TTC39A: variants seen among roughly 807,000 people sequenced by gnomAD.
TTC39A encodes the protein tetratricopeptide repeat protein 39A.
TTC39A carries 46 observed loss-of-function variants against 82.3 expected under a neutral mutation model. That is an observed-to-expected ratio of 0.56 (90% CI 0.44 to 0.71). The LOEUF is 0.71. TTC39A is among the 30% of genes least tolerant of loss of function. The pLI is 0.00. For missense variants in TTC39A, 543 were observed against 712.9 expected (o/e 0.76, Z 2.71); for synonymous variants, 254 against 275.2 (o/e 0.92, Z 0.76).
intron 16 of TTC39A, 75 bp from the exon 17 acceptor site, chr1:51,289,030 C>T (rs940247476): frequency 4.3e-6 from 6 of 1,401,978 alleles, no homozygotes; most frequent in South Asian, 1.3e-5. Flanking sequence ...TTTCCTAACC[C>T]GAACTCCAAT....
intron 1 of TTC39A, chr1:51,344,942 C>T (rs564452602): frequency 2.0e-6 from 3 of 1,525,680 alleles, no homozygotes; most frequent in Non-Finnish European, 2.6e-6. Context: ...TCCGGCGGCC[C>T]CTTGGTCCCG....
Position 51,309,267 on chromosome 1 carries a change from G to T in TTC39A, c.482C>A (p.Thr161Asn). The change falls in exon 6 of 18, where the codon ACC becomes AAC. Residue 161 changes from threonine to asparagine, a missense_variant. Transcript: ENST00000680483. The stretch of plus-strand genomic sequence containing the variant: ...GATGGCCAGCCCCACTCACTTGTAG[G>T]TCTGGTAGCTGTTTCGAACTTTGAT... ...GGIKVRNSYQ[T>N]YKELDSLVQS... 1.2e-6 allele frequency: 2 copies of T among 1,610,116 alleles called. No individual in the cohort carries two copies. Among genetic ancestry groups the T allele is most frequent in the South Asian group, 2.2e-5 (2 of 90,126 alleles).
chr1:51,324,916 T>A (rs1645656268), intron 1 of TTC39A, among the ~76,000 whole-genome samples: 1 of 152,136 alleles, frequency 6.6e-6, no homozygotes, highest in Admixed American at 6.5e-5. Context: ...GAAGCATTAT[T>A]TCCCCTAACC....
chr1:51,331,146 T>C (rs1645901612), upstream of TTC39A: 1 of 1,482,558 alleles, frequency 6.7e-7, no homozygotes, highest in African/African-American at 1.4e-5. Context: ...TCACGCATGG[T>C]CACTCACCTA....
In TTC39A at chr1:51,305,189, T is replaced by A. The variant is rs188048469; in HGVS notation, c.589-43A>T. On this transcript the variant is annotated intron_variant, in intron 7 of 17. Coordinates refer to ENST00000680483, the MANE Select transcript of TTC39A (RefSeq NM_001297663.2). Reference sequence around the variant, plus strand: ...ATCAAGCCTGTGAAGGTACCCAGAGTGGGCAGGGGCCACCCCCACTGTCCC... The same window carrying A: ...ATCAAGCCTGTGAAGGTACCCAGAGAGGGCAGGGGCCACCCCCACTGTCCC... 50 of 1,599,414 alleles carry A rather than the reference T, an allele frequency of 3.1e-5. No individual in the cohort carries two copies. The East Asian group carries it at 1.1e-3, about 34-fold the overall frequency.
intron 1 of TTC39A, among the ~76,000 whole-genome samples, chr1:51,337,132 G>A (rs886151489): frequency 2.6e-5 from 4 of 152,140 alleles, no homozygotes; most frequent in Non-Finnish European, 4.4e-5. Flanking sequence ...CAAAGGCTCC[G>A]CATGTTCCTC....
intron 11 of TTC39A, 161 bp from the exon 12 acceptor site, chr1:51,301,894 G>A: frequency 3.1e-6 from 3 of 955,320 alleles, no homozygotes; most frequent in Non-Finnish European, 4.6e-6. Context: ...AGGAGATCTG[G>A]CCTCCAGTCC....
In TTC39A at chr1:51,287,357, T is replaced by C. The variant is rs1644031514; in HGVS notation, c.*800A>G. The C allele has an allele frequency of 6.6e-6, 1 of 152,190 alleles. No homozygotes were observed. Among genetic ancestry groups the C allele is most frequent in the African/African-American group, 2.4e-5 (1 of 41,428 alleles). 9.4% of individuals were successfully genotyped at this position (152,190 alleles called of 1,614,324 possible). The stretch of plus-strand genomic sequence containing the variant: ...TGTTTCATAAATTATTCCCAGTGGT[T>C]TCAGTTTGGCATACAGCAAAGATAC... On this transcript the variant is annotated 3_prime_UTR_variant, in exon 18 of 18. Transcript: ENST00000680483.
chr1:51,330,753 G>A (rs921748631), upstream of TTC39A: 1 of 523,428 alleles, frequency 1.9e-6, no homozygotes, highest in Non-Finnish European at 2.7e-6. The surrounding 1 kb of genome is among the most constrained non-coding windows in gnomAD (Gnocchi z 4.5). Context: ...GGCGCCCTCT[G>A]CGCAGACACC....
At chr1:51,334,038 A>T (rs1645943705), upstream of TTC39A, among the ~76,000 whole-genome samples, 2 of 152,078 alleles carry the variant, frequency 1.3e-5, no homozygotes, top group South Asian at 4.1e-4. Flanking sequence ...AATATTGCCG[A>T]CTTCCAAGGT....
intron 6 of TTC39A, among the ~76,000 whole-genome samples, chr1:51,306,535 C>G (rs1219784490): frequency 6.6e-6 from 1 of 152,164 alleles, no homozygotes; most frequent in Non-Finnish European, 1.5e-5. Flanking sequence ...TGCCAAAAGT[C>G]TCACAGGGGG....
intron 5 of TTC39A, 166 bp from the exon 6 acceptor site, chr1:51,309,491 A>T: frequency 6.9e-7 from 1 of 1,439,884 alleles, no homozygotes; most frequent in Non-Finnish European, 9.2e-7. Flanking sequence ...GCCCAACAAA[A>T]CCTCTAAAAT....
rs770396151 is a variant in TTC39A, at chr1:51,301,552, AAC to A, written c.1053+18_1053+19del. On this transcript the variant is annotated intron_variant, in intron 12 of 17. Transcript: ENST00000680483. ...TCAGCCCTGGTCACCCAATGCCCCT[AAC>A]ACGTGGCATCAGCCCACCTTGGACC... is the stretch of plus-strand genomic sequence containing the variant. The A allele has an allele frequency of 6.6e-5, 104 of 1,583,978 alleles. No homozygotes were observed. The highest frequency in any genetic ancestry group is 8.6e-6 in the Non-Finnish European group (10 of 1,161,320).
intron 1 of TTC39A, among the ~76,000 whole-genome samples, chr1:51,338,373 T>C (rs2148321196): frequency 6.6e-6 from 1 of 152,248 alleles, no homozygotes; most frequent in East Asian, 1.9e-4. Flanking sequence ...GGATTACAGA[T>C]GATGCTGCAT....
chr1:51,302,530 C>A lies in TTC39A; in HGVS notation c.807G>T (p.Lys269Asn). The change falls in exon 10 of 18, where the codon AAG (lysine) becomes AAT (asparagine). Residue 269 changes from lysine to asparagine, a missense_variant. Transcript: ENST00000680483. Reference protein sequence around the residue: ...VNIEEAEKLLKPYLNRYPKGA... With the variant: ...VNIEEAEKLLNPYLNRYPKGA... ...CCTTAGGGTACCGGTTCAGGTAGGGCTTCAAGAGCTTCTCGGCCTCCTCGA... is the reference window on the plus strand; with the variant it reads ...CCTTAGGGTACCGGTTCAGGTAGGGATTCAAGAGCTTCTCGGCCTCCTCGA... 1.2e-6 allele frequency: 2 copies of A among 1,608,978 alleles called. No homozygotes were observed. Among genetic ancestry groups the A allele is most frequent in the Non-Finnish European group, 1.7e-6 (2 of 1,177,704 alleles).
intron 2 of TTC39A, among the ~76,000 whole-genome samples, chr1:51,319,687 CT>C (rs1029246034): frequency 3.3e-5 from 5 of 149,800 alleles, no homozygotes; most frequent in Non-Finnish European, 7.4e-5. Context: ...TCTTTTTTTT[CT>C]TTTTCTTTTT....
chr1:51,301,200 A>C (rs2148168885), intron 12 of TTC39A: 1 of 177,294 alleles, frequency 5.6e-6, no homozygotes, highest in South Asian at 1.7e-4. Context: ...ATTAAAATTA[A>C]ATAAAACTGA....
In TTC39A at chr1:51,321,235, T is replaced by C. The variant is rs1292607228; in HGVS notation, c.146+486A>G. Among the ~76,000 whole-genome samples the C allele has an allele frequency of 6.6e-6, 1 of 152,226 alleles. No homozygotes were observed. Among genetic ancestry groups the C allele is most frequent in the Non-Finnish European group, 1.5e-5 (1 of 68,042 alleles). ...TTACGGTATCTGAATTACATCTCAA[T>C]TTTTAAAACTGAGAAAAAGTGATAA... On this transcript the variant is annotated intron_variant, in intron 2 of 17. Coordinates refer to ENST00000680483, the MANE Select transcript of TTC39A (RefSeq NM_001297663.2). This position sits in a 1 kb window ranked among gnomAD's most constrained non-coding sequence, Gnocchi z 4.6.
At chr1:51,311,820 CAA>C (rs1476300347) in intron 4 of TTC39A, among the ~76,000 whole-genome samples, 2 of 152,364 alleles carry the variant, frequency 1.3e-5, no homozygotes, top group East Asian at 3.9e-4. Flanking sequence ...ACTGCACATA[CAA>C]CTCTAAACAC....
Sources: gnomAD v4.1 joint callset for allele counts (sites outside exome capture counted in the v4.1 genomes callset) on GRCh38, gnomAD v4.1.1 for gene constraint, Gnocchi (gnomAD v3.1) non-coding constraint, MANE v1.5 for transcripts, NCBI Gene and HGNC (gene_info 2026-07-23, HGNC 2026-07-21) for gene names.